Variants in AOPEP observed in about 807,000 individuals in gnomAD.
AOPEP encodes the protein aminopeptidase O (putative), also known as aminopeptidase O.
Under a neutral mutation model 98.1 loss-of-function variants are expected in AOPEP, and 77 were observed. The observed-to-expected ratio is 0.78, with a 90% confidence interval of 0.65 to 0.95. The LOEUF (loss-of-function observed/expected upper bound fraction) is 0.95. Ranked by LOEUF, AOPEP falls within the 40% of genes least tolerant of loss-of-function variation. AOPEP has a pLI of 0.00. For missense variants in AOPEP, 1,024 were observed against 1,024.7 expected (o/e 1.00, Z 0.01); for synonymous variants, 346 against 365.3 (o/e 0.95, Z 0.60).
rs2064594124 is a variant in AOPEP at position 95,034,415 on chromosome 9, A to G, written c.2116-26279A>G. Among the ~76,000 whole-genome samples the G allele has an allele frequency of 5.9e-5, 9 of 152,300 alleles. No homozygotes were observed. The South Asian group carries it at 1.9e-3, about 32-fold the overall frequency. On this transcript the variant is annotated intron_variant, in intron 13 of 16. Transcript: ENST00000375315. ...TTAGGAAATACCAAAGAATCTACCA[A>G]ATGGGTAAATGCTACTTAAGTGTCT...
chr9:95,126,595 A>C, the AOPEP span: 5 of 1,613,822 alleles, frequency 3.1e-6, no homozygotes, highest in Non-Finnish European at 4.2e-6. Flanking sequence ...TAAAAGGAGA[A>C]GACCATGAGA....
chr9:94,752,804 C>T (rs1349855010), intron 1 of AOPEP, among the ~76,000 whole-genome samples: 2 of 152,128 alleles, frequency 1.3e-5, no homozygotes, highest in Non-Finnish European at 2.9e-5. Context: ...TCTGGATTGG[C>T]CTTATGAGTT....
chr9:94,792,878 G>T lies in AOPEP; in HGVS notation c.1078G>T (p.Ala360Ser). 1.9e-6 allele frequency: 3 copies of T among 1,612,972 alleles called. No individual in the cohort carries two copies. In the South Asian group the frequency reaches 3.3e-5, roughly 18 times the overall value. The stretch of plus-strand genomic sequence containing the variant: ...GGAGACATGGTCATCAAATGATTTG[G>T]CAACAGAGAGACCCTTCTCACCTTC... The part of the protein sequence containing the change: ...KMETWSSNDL[A>S]TERPFSPSEA... The change falls in exon 4 of 17, where the codon GCA becomes TCA. Residue 360 changes from alanine (A) to serine (S), a missense_variant. By Grantham distance (99) the Ala-to-Ser change is moderately conservative. Around this residue, in one of 3 missense-constraint regions of AOPEP, gnomAD observed 18 missense variants for 39.1 expected, o/e 0.46. Coordinates refer to ENST00000375315, the MANE Select transcript of AOPEP (RefSeq NM_001193329.3).
intron 3 of AOPEP, among the ~76,000 whole-genome samples, chr9:94,785,335 T>G (rs1324189922): frequency 2.0e-5 from 3 of 152,250 alleles, no homozygotes; most frequent in African/African-American, 7.2e-5. Flanking sequence ...AAAATTTCAG[T>G]CCTGTTGTGG....
chr9:94,781,090 T>C (rs1843136553), intron 3 of AOPEP, among the ~76,000 whole-genome samples: 1 of 152,084 alleles, frequency 6.6e-6, no homozygotes, highest in South Asian at 2.1e-4. Flanking sequence ...CAGTTGTTAT[T>C]CTTTTTTTTT....
At chr9:94,951,112 T>C (rs1036099900) in intron 7 of AOPEP, among the ~76,000 whole-genome samples, 3 of 152,242 alleles carry the variant, frequency 2.0e-5, no homozygotes, top group African/African-American at 7.2e-5. Flanking sequence ...CCAAGGGCAT[T>C]TGAGCTCAGA....
intron 13 of AOPEP, among the ~76,000 whole-genome samples, chr9:95,054,479 T>C (rs73526540): frequency 0.012 from 1,806 of 152,352 alleles, 32 homozygotes; most frequent in African/African-American, 0.041. Context: ...TTAGATTGCA[T>C]ATAGTGTATG....
At chr9:94,753,880 T>C (rs1242195783) in intron 1 of AOPEP, among the ~76,000 whole-genome samples, 1 of 152,200 alleles carries the variant, frequency 6.6e-6, no homozygotes, top group Non-Finnish European at 1.5e-5. Context: ...CTGTGCCTCT[T>C]TTTATGCCAC....
chr9:94,938,988 A>T (rs1020541586), intron 7 of AOPEP, among the ~76,000 whole-genome samples: 2 of 152,070 alleles, frequency 1.3e-5, no homozygotes, highest in African/African-American at 2.4e-5. Flanking sequence ...GGTGGCTCAC[A>T]CCTGTAATCC....
intron 5 of AOPEP, among the ~76,000 whole-genome samples, chr9:94,810,368 G>A (rs1193292117): frequency 2.7e-5 from 4 of 149,664 alleles, no homozygotes; most frequent in Non-Finnish European, 5.9e-5. Flanking sequence ...AGGCTGTAGT[G>A]CAGTGGCGCA....
chr9:95,030,023 A>G (rs2064162450), intron 13 of AOPEP, among the ~76,000 whole-genome samples: 1 of 152,212 alleles, frequency 6.6e-6, no homozygotes, highest in Non-Finnish European at 1.5e-5. Flanking sequence ...TTCTGGTGTG[A>G]TACCTTTCCT....
At chr9:94,931,074 A>G (rs1010083064) in intron 7 of AOPEP, among the ~76,000 whole-genome samples, 6 of 152,122 alleles carry the variant, frequency 3.9e-5, no homozygotes, top group African/African-American at 1.4e-4. Context: ...GGGTAGGGGC[A>G]TCTCAGTAAA....
In AOPEP at chr9:94,816,068, A is replaced by C. The variant is rs1372413068; in HGVS notation, c.1364+15066A>C. ...GCCTTCACAAGGTGACCCTGGAACA[A>C]AGCTTGGTTTTCATCCTTTCCTTAT... On this transcript the variant is annotated intron_variant, in intron 5 of 16. Transcript: ENST00000375315. 3.3e-5 allele frequency among the ~76,000 whole-genome samples: 5 copies of C among 152,246 alleles called. No individual in the cohort carries two copies. The East Asian group carries it at 7.7e-4, about 24-fold the overall frequency.
At chr9:94,807,449 A>C (rs1849481734) in intron 5 of AOPEP, among the ~76,000 whole-genome samples, 1 of 152,158 alleles carries the variant, frequency 6.6e-6, no homozygotes, top group Non-Finnish European at 1.5e-5. Context: ...GCCTTCCTGA[A>C]GCAATCATTC....
chr9:95,031,847 C>T (rs998604088), intron 13 of AOPEP, among the ~76,000 whole-genome samples: 2 of 152,186 alleles, frequency 1.3e-5, no homozygotes, highest in Non-Finnish European at 2.9e-5. Context: ...TCCCAGATAA[C>T]TGGAGGATTA....
intron 14 of AOPEP, among the ~76,000 whole-genome samples, chr9:95,072,810 A>G (rs900656650): frequency 1.3e-5 from 2 of 152,218 alleles, no homozygotes; most frequent in African/African-American, 4.8e-5. Context: ...TGTGTCCCAA[A>G]TCCAAGATGT....
At chr9:94,925,932 A>G (rs936909586) in intron 6 of AOPEP, among the ~76,000 whole-genome samples, 9 of 152,220 alleles carry the variant, frequency 5.9e-5, no homozygotes, top group Admixed American at 3.9e-4. Flanking sequence ...AGTGCCTGAC[A>G]CGTGGAGAAT....
intron 5 of AOPEP, among the ~76,000 whole-genome samples, chr9:94,842,691 G>T (rs1379624579): frequency 6.6e-6 from 1 of 151,886 alleles, no homozygotes; most frequent in African/African-American, 2.4e-5. Context: ...TTTATTTAAA[G>T]AATTTTCTTT....
At chr9:95,001,352 C>G (rs907235888) in intron 11 of AOPEP, among the ~76,000 whole-genome samples, 1 of 152,202 alleles carries the variant, frequency 6.6e-6, no homozygotes, top group Non-Finnish European at 1.5e-5. Flanking sequence ...AGAACAACTT[C>G]CTTTCAAAAC....
Sources: gnomAD v4.1 joint callset for allele counts (sites outside exome capture counted in the v4.1 genomes callset) on GRCh38, gnomAD v4.1.1 for gene constraint, gnomAD v4.1.1 regional missense constraint, MANE v1.5 for transcripts, NCBI Gene and HGNC (gene_info 2026-07-23, HGNC 2026-07-21) for gene names.